Variants in ADAMTS3 observed in about 807,000 individuals in gnomAD.
The protein encoded by ADAMTS3 is A disintegrin and metalloproteinase with thrombospondin motifs 3.
Under a neutral mutation model 129.0 loss-of-function variants are expected in ADAMTS3, and 73 were observed. That is an observed-to-expected ratio of 0.57 (90% CI 0.47 to 0.69). The LOEUF (loss-of-function observed/expected upper bound fraction) is 0.69. Among genes scored for constraint, ADAMTS3 ranks in the 30% least tolerant of loss-of-function variants. The pLI is 0.00. For missense variants in ADAMTS3, 1,457 were observed against 1,514.5 expected, an observed-to-expected ratio of 0.96 and a Z score of 0.63; for synonymous variants, 477 against 510.8, an observed-to-expected ratio of 0.93 and a Z score of 0.89.
intron 3 of ADAMTS3, among the ~76,000 whole-genome samples, chr4:72,542,411 G>A (rs772149252): frequency 6.6e-5 from 10 of 151,920 alleles, no homozygotes; most frequent in Admixed American, 1.3e-4. Context: ...TGATCCGCCC[G>A]CCTCAGCCTC....
chr4:72,319,254 T>C, intron 9 of ADAMTS3, 78 bp downstream of exon 9: 1 of 1,533,520 alleles, frequency 6.5e-7, no homozygotes, highest in Admixed American at 2.1e-5. Context: ...AATTTTGCTA[T>C]GATCAAGTCC....
At chr4:72,366,362 A>T (rs1386410867) in intron 4 of ADAMTS3, among the ~76,000 whole-genome samples, 2 of 152,204 alleles carry the variant, frequency 1.3e-5, no homozygotes, top group Non-Finnish European at 2.9e-5. Context: ...TTACGGTAGA[A>T]GACGATGTGA....
In ADAMTS3 at chr4:72,497,750, G is replaced by GA. The variant is rs10695197; in HGVS notation, c.504+50727dup. On this transcript the variant is annotated intron_variant, in intron 3 of 21. Coordinates refer to ENST00000286657, the MANE Select transcript of ADAMTS3 (RefSeq NM_014243.3). ...TGTTATAGATTAATGATTATCATCAGAAAAAAAGTCTATTTACATTAACAT... is the reference window on the plus strand; with the variant it reads ...TGTTATAGATTAATGATTATCATCAGAAAAAAAAGTCTATTTACATTAACAT... Among the ~76,000 whole-genome samples, 817 of 151,486 alleles carry GA rather than the reference G, an allele frequency of 5.4e-3. 4 individuals carry two copies. The highest frequency in any genetic ancestry group is 0.017 in the African/African-American group (700 of 41,372).
In ADAMTS3 at chr4:72,313,763, AT is replaced by A. The variant is rs1189807888; in HGVS notation, c.1658del (p.Asn553IlefsTer108). ...KNANQQKQDG[N>X]WGSWTKFGSC... The stretch of plus-strand genomic sequence containing the variant: ...AGCCAAATTTAGTCCATGACCCCCA[AT>A]TGCCATCTTGTTTTTGCTGATTAGC... On this transcript the variant is annotated frameshift_variant, in exon 12 of 22. Transcript: ENST00000286657. LOFTEE classifies it high-confidence loss of function. The A allele has an allele frequency of 6.2e-7, 1 of 1,613,876 alleles. No individual in the cohort carries two copies. The highest frequency in any genetic ancestry group is 2.2e-5 in the East Asian group (1 of 44,814).
At chr4:72,454,516 T>C (rs1016312430) in intron 3 of ADAMTS3, among the ~76,000 whole-genome samples, 5 of 151,680 alleles carry the variant, frequency 3.3e-5, no homozygotes, top group African/African-American at 9.7e-5. Context: ...AAAATTAGAA[T>C]TGGTTCATGG....
rs933332559 is a variant in ADAMTS3, at chr4:72,327,865, C to T, written c.862-4768G>A. On this transcript the variant is annotated intron_variant, in intron 5 of 21. Coordinates refer to ENST00000286657, the MANE Select transcript of ADAMTS3 (RefSeq NM_014243.3). The stretch of plus-strand genomic sequence containing the variant: ...AGGTAAATTTTAAGAAAATGAGGAG[C>T]GAGGCTCTAAACTGAATATAAATAA... 1.6e-4 allele frequency among the ~76,000 whole-genome samples: 25 copies of T among 151,858 alleles called. 1 individual carries two copies. Among genetic ancestry groups the T allele is most frequent in the South Asian group, 4.2e-4 (2 of 4,802 alleles).
At chr4:72,323,183 A>T in intron 5 of ADAMTS3, 86 bp from the exon 6 acceptor site, 2 of 967,966 alleles carry the variant, frequency 2.1e-6, no homozygotes, top group Admixed American at 1.9e-5. Flanking sequence ...AATCACCACA[A>T]ATAGGTGAGT....
At chr4:72,481,411 T>TA (rs1719432184) in intron 3 of ADAMTS3, among the ~76,000 whole-genome samples, 1 of 152,170 alleles carries the variant, frequency 6.6e-6, no homozygotes, top group Non-Finnish European at 1.5e-5. Context: ...ATGCCCAACT[T>TA]ACTTCTGACA....
intron 4 of ADAMTS3, among the ~76,000 whole-genome samples, chr4:72,413,982 T>A (rs543423343): frequency 6.6e-6 from 1 of 151,914 alleles, no homozygotes; most frequent in Non-Finnish European, 1.5e-5. Context: ...AATGACTAGG[T>A]AGCAAGTCTC....
chr4:72,494,818 T>G (rs1719836504), intron 3 of ADAMTS3, among the ~76,000 whole-genome samples: 1 of 152,152 alleles, frequency 6.6e-6, no homozygotes, highest in Non-Finnish European at 1.5e-5. Context: ...AATTCTGGCT[T>G]CAGGCAGATG....
At chr4:72,529,354 C>T (rs555823992) in intron 3 of ADAMTS3, among the ~76,000 whole-genome samples, 2 of 152,040 alleles carry the variant, frequency 1.3e-5, no homozygotes, top group South Asian at 2.1e-4. Flanking sequence ...CCTCTACAGA[C>T]TTACTGAGTC....
At chr4:72,302,182 G>GA (rs1202779083) in intron 17 of ADAMTS3, among the ~76,000 whole-genome samples, 1 of 149,766 alleles carries the variant, frequency 6.7e-6, no homozygotes, top group African/African-American at 2.5e-5. Context: ...GAGTGTACAA[G>GA]AAAAAAAGAA....
At chr4:72,284,938 G>C (rs1718462654) in intron 21 of ADAMTS3, among the ~76,000 whole-genome samples, 1 of 152,182 alleles carries the variant, frequency 6.6e-6, no homozygotes, top group East Asian at 1.9e-4. Flanking sequence ...CCAGTGCATA[G>C]AGTAGCATCC....
At chr4:72,367,722 C>T (rs1036387800) in intron 4 of ADAMTS3, among the ~76,000 whole-genome samples, 30 of 152,084 alleles carry the variant, frequency 2.0e-4, no homozygotes, top group South Asian at 6.3e-4. Context: ...TGGCGGCAGG[C>T]GCCTGTAGTC....
intron 5 of ADAMTS3, among the ~76,000 whole-genome samples, chr4:72,325,350 C>A (rs1719672388): frequency 6.6e-6 from 1 of 152,094 alleles, no homozygotes; most frequent in African/African-American, 2.4e-5. Context: ...AAAAGTGAAT[C>A]AAATCTTCCA....
chr4:72,530,030 AAATATAATATATTATATTT>A (rs1720947029), intron 3 of ADAMTS3, among the ~76,000 whole-genome samples: 84 of 1,606 alleles, frequency 0.052, 16 homozygotes, highest in South Asian at 0.17. Context: ...ATTTATATAT[AAATATAATATATTATATTT>A]ATATATAATA....
chr4:72,322,942 C>A, intron 6 of ADAMTS3, 72 bp downstream of exon 6: 1 of 1,216,660 alleles, frequency 8.2e-7, no homozygotes, highest in Admixed American at 1.7e-5. Context: ...TTAGATGTAG[C>A]TTGAACAATT....
intron 4 of ADAMTS3, among the ~76,000 whole-genome samples, chr4:72,392,650 G>A (rs1721625947): frequency 6.6e-6 from 1 of 152,044 alleles, no homozygotes; most frequent in Non-Finnish European, 1.5e-5. Flanking sequence ...AAGCCAAGGG[G>A]ATAGAGGAAT....
intron 3 of ADAMTS3, among the ~76,000 whole-genome samples, chr4:72,490,149 T>G (rs1026247409): frequency 2.0e-5 from 3 of 151,938 alleles, no homozygotes; most frequent in Non-Finnish European, 2.9e-5. Flanking sequence ...TATTGGCCAT[T>G]TGTTGTCTTC....
Sources: allele counts gnomAD v4.1 joint callset (sites outside exome capture counted in the v4.1 genomes callset), GRCh38; gene constraint gnomAD v4.1.1; transcripts MANE v1.5; gene names NCBI Gene and HGNC (gene_info 2026-07-23, HGNC 2026-07-21).